Variants in ANK3 observed in about 807,000 individuals in gnomAD.
The protein encoded by ANK3 is ankyrin 3.
A neutral mutation model predicts 370.9 loss-of-function variants in ANK3; 57 were observed. That is an observed-to-expected ratio of 0.15 (90% CI 0.12 to 0.19). The LOEUF (loss-of-function observed/expected upper bound fraction) is 0.19, where lower values mean the gene tolerates loss of function less well. Among genes scored for constraint, ANK3 ranks in the 10% least tolerant of loss-of-function variants. The pLI is 1.00. For missense variants in ANK3, 4,439 were observed against 5,302.1 expected (o/e 0.84, Z 5.06); for synonymous variants, 1,929 against 1,946.3 (o/e 0.99, Z 0.23).
chr10:60,393,864 T>C (rs914522979), upstream of ANK3, among the ~76,000 whole-genome samples: 1 of 151,934 alleles, frequency 6.6e-6, no homozygotes, highest in Admixed American at 6.6e-5. Flanking sequence ...TAAAAAATAT[T>C]ACACTGTACT....
intron 1 of ANK3, among the ~76,000 whole-genome samples, chr10:60,690,691 C>T (rs1290071031): frequency 6.6e-6 from 1 of 152,164 alleles, no homozygotes; most frequent in African/African-American, 2.4e-5. Flanking sequence ...TCTCCCAAAT[C>T]TCTGGTAAAA....
chr10:60,589,240 A>C (rs2077876854), intron 2 of ANK3, among the ~76,000 whole-genome samples: 1 of 152,220 alleles, frequency 6.6e-6, no homozygotes, highest in Non-Finnish European at 1.5e-5. Flanking sequence ...ATTAGGTACC[A>C]GTTAAAATTG....
Position 60,075,399 on chromosome 10 carries a change from C to A in ANK3, c.5482G>T (p.Val1828Phe), listed in dbSNP as rs775117874. ...SIITVPVYSV[V>F]NVLPEPALKK... Reference sequence around the variant, plus strand: ...AATGCTGGTTCTGGCAAAACATTGACTACAGAGTATACTGGCACTGTTATA... The same window carrying A: ...AATGCTGGTTCTGGCAAAACATTGAATACAGAGTATACTGGCACTGTTATA... The change falls in exon 37 of 44, where the codon GTC (valine) becomes TTC (phenylalanine). Residue 1828 changes from valine (V) to phenylalanine (F), a missense_variant. By Grantham distance (50) the Val-to-Phe change is conservative. Coordinates refer to ENST00000280772, the MANE Select transcript of ANK3 (RefSeq NM_020987.5). 9.3e-6 allele frequency: 15 copies of A among 1,613,730 alleles called. No homozygotes were observed. The highest frequency in any genetic ancestry group is 1.3e-5 in the African/African-American group (1 of 74,918).
At chr10:60,266,715 T>C (rs1212919221) in intron 5 of ANK3, among the ~76,000 whole-genome samples, 2 of 152,208 alleles carry the variant, frequency 1.3e-5, no homozygotes, top group South Asian at 2.1e-4. Flanking sequence ...AAGGTGTTAA[T>C]AGCTAAAATT....
intron 7 of ANK3, among the ~76,000 whole-genome samples, chr10:60,239,601 G>C (rs1181499068): frequency 6.6e-6 from 1 of 152,040 alleles, no homozygotes; most frequent in African/African-American, 2.4e-5. Flanking sequence ...CAGCAGACCT[G>C]CAATACATAA....
chr10:60,598,550 T>C (rs2078018589), intron 2 of ANK3, among the ~76,000 whole-genome samples: 1 of 152,188 alleles, frequency 6.6e-6, no homozygotes. Context: ...CAAGTGCTCA[T>C]GAAAGGAATT....
At position 60,614,469 on chromosome 10, in the gene ANK3, G is replaced by T. The variant is rs147255353; in HGVS notation, c.96+717C>A. 2.6e-3 allele frequency among the ~76,000 whole-genome samples: 395 copies of T among 152,300 alleles called. 2 individuals carry two copies. The highest frequency in any genetic ancestry group is 8.9e-3 in the African/African-American group (370 of 41,576). ...CAAGGAGAACTGACATTCTAATGCA[G>T]TCTGTCCTAACCCTTACCTGACCCT... On this transcript the variant is annotated intron_variant, in intron 2 of 43. Transcript: ENST00000373827.
intron 2 of ANK3, among the ~76,000 whole-genome samples, chr10:60,412,424 C>T (rs573222778): frequency 1.3e-5 from 2 of 152,260 alleles, no homozygotes; most frequent in South Asian, 4.2e-4. Context: ...TCTACATCAT[C>T]GGCTCTGCAG....
In ANK3 at chr10:60,196,568, G is replaced by T; in HGVS notation, c.1747C>A (p.Leu583Ile). The change falls in exon 15 of 44, where the codon CTC (leucine) becomes ATC (isoleucine). Residue 583 changes from leucine to isoleucine, a missense_variant. This residue lies in a region of ANK3 where 192 missense variants were observed against 192.1 expected (regional missense o/e 1.00). Coordinates refer to ENST00000280772, the MANE Select transcript of ANK3 (RefSeq NM_020987.5). ...GGAGATGCACTTTTCTGTAGCAGGA[G>T]ATTGGCGACTTCAAGCTTTCCATAT... ...AKYGKLEVAN[L>I]LLQKSASPDA... The T allele has an allele frequency of 6.2e-7, 1 of 1,612,940 alleles. No individual in the cohort carries two copies.
At chr10:60,266,987 A>G (rs1438774912) in intron 5 of ANK3, among the ~76,000 whole-genome samples, 1 of 152,226 alleles carries the variant, frequency 6.6e-6, no homozygotes, top group East Asian at 1.9e-4. Flanking sequence ...AAGATTATAT[A>G]TAGAGAGAAA....
At chr10:60,516,362 T>C (rs1405763953) in intron 2 of ANK3, among the ~76,000 whole-genome samples, 1 of 152,108 alleles carries the variant, frequency 6.6e-6, no homozygotes, top group African/African-American at 2.4e-5. Context: ...GGATCTGTTC[T>C]GGGAAATCTC....
At chr10:60,619,194 G>A (rs572625076) in intron 1 of ANK3, among the ~76,000 whole-genome samples, 17 of 151,632 alleles carry the variant, frequency 1.1e-4, no homozygotes, top group African/African-American at 4.1e-4. Context: ...CCATGCCCAG[G>A]CCCACTCCCA....
chr10:60,693,937 G>A (rs578186551), intron 1 of ANK3, among the ~76,000 whole-genome samples: 5 of 152,116 alleles, frequency 3.3e-5, no homozygotes, highest in East Asian at 3.9e-4. Context: ...GGCTTCAGAC[G>A]ATCAAATTAC....
At chr10:60,036,654 T>C (rs1316198513) in intron 43 of ANK3, among the ~76,000 whole-genome samples, 1 of 151,952 alleles carries the variant, frequency 6.6e-6, no homozygotes, top group Non-Finnish European at 1.5e-5. Context: ...GCCAGGATGG[T>C]CTACATCTCC....
chr10:60,459,686 A>G (rs1470285815), intron 2 of ANK3, among the ~76,000 whole-genome samples: 1 of 152,146 alleles, frequency 6.6e-6, no homozygotes, highest in African/African-American at 2.4e-5. Context: ...TTTCTCACCC[A>G]GCAAGTAAAA....
intron 4 of ANK3, among the ~76,000 whole-genome samples, chr10:60,278,254 C>T (rs2098117708): frequency 6.6e-6 from 1 of 152,232 alleles, no homozygotes; most frequent in African/African-American, 2.4e-5. Context: ...CCCTGCATTA[C>T]AGATACCCTT....
intron 1 of ANK3, among the ~76,000 whole-genome samples, chr10:60,635,754 T>C (rs921231393): frequency 6.6e-6 from 1 of 151,042 alleles, no homozygotes; most frequent in Non-Finnish European, 1.5e-5. Flanking sequence ...AAGAATCAGA[T>C]TAATAGTGCT....
At chr10:60,044,253 A>G in intron 42 of ANK3, 1 of 985,100 alleles carries the variant, frequency 1.0e-6, no homozygotes, top group Non-Finnish European at 1.2e-6. Context: ...ATGAAATCTG[A>G]ATGATGATTA....
In ANK3 at chr10:60,122,177, T is replaced by C. The variant is rs186445899; in HGVS notation, c.2842-7846A>G. On this transcript the variant is annotated intron_variant, in intron 25 of 43. Coordinates refer to ENST00000280772, the MANE Select transcript of ANK3 (RefSeq NM_020987.5). ...AAAAGACAACCCAGTTGTGTAACTA[T>C]GGGCCTCTCCCTACCCCTTTATATT... Among the ~76,000 whole-genome samples the C allele has an allele frequency of 5.9e-5, 9 of 152,350 alleles. 1 individual carries two copies. The highest frequency in any genetic ancestry group is 2.2e-4 in the African/African-American group (9 of 41,582).
Sources: gnomAD v4.1 joint callset for allele counts (sites outside exome capture counted in the v4.1 genomes callset) on GRCh38, gnomAD v4.1.1 for gene constraint, gnomAD v4.1.1 regional missense constraint, MANE v1.5 for transcripts, NCBI Gene and HGNC (gene_info 2026-07-23, HGNC 2026-07-21) for gene names.